AEBP2: variants seen among roughly 807,000 people sequenced by gnomAD.
AEBP2 encodes the protein AE binding protein 2.
A neutral mutation model predicts 50.8 loss-of-function variants in AEBP2; 10 were observed. That is an observed-to-expected ratio of 0.20 (90% confidence interval 0.12 to 0.33). The LOEUF (loss-of-function observed/expected upper bound fraction) is 0.33, where lower values mean the gene tolerates loss of function less well. Among genes scored for constraint, AEBP2 ranks in the 10% least tolerant of loss-of-function variants. The pLI is 1.00. For missense variants in AEBP2, 570 were observed against 688.0 expected (o/e 0.83, Z 1.92); for synonymous variants, 296 against 261.3 (o/e 1.13, Z -1.28).
intron 1 of AEBP2, among the ~76,000 whole-genome samples, chr12:19,423,990 T>C (rs547802736): frequency 6.6e-6 from 1 of 152,344 alleles, no homozygotes; most frequent in East Asian, 1.9e-4. Context: ...GCATCAATAC[T>C]GTACGGCAGC....
In AEBP2 at chr12:19,466,578, T is replaced by G. The variant is rs571619293; in HGVS notation, c.879+3861T>G. Among the ~76,000 whole-genome samples, 5 of 152,350 alleles carry G rather than the reference T, an allele frequency of 3.3e-5. No homozygotes were observed. In the South Asian group the frequency reaches 1.0e-3, roughly 32 times the overall value. ...AATTATCATCCCAAATTGAAATCTA[T>G]ACCCATTAAACAAACTTACTCTCTG... On this transcript the variant is annotated intron_variant, in intron 2 of 7. Transcript: ENST00000266508.
At chr12:19,447,530 A>T (rs763543787) in intron 1 of AEBP2, among the ~76,000 whole-genome samples, 2 of 152,182 alleles carry the variant, frequency 1.3e-5, no homozygotes, top group East Asian at 3.8e-4. Flanking sequence ...TCCAGACACA[A>T]CCGTCACTAG....
At position 19,520,135 on chromosome 12, in the gene AEBP2, T is replaced by C. The variant is rs1949377267; in HGVS notation, c.*2018T>C. 1 of 152,558 alleles carries C rather than the reference T, an allele frequency of 6.6e-6. No individual in the cohort carries two copies. The highest frequency in any genetic ancestry group is 2.4e-5 in the African/African-American group (1 of 41,468). 9.5% of individuals were successfully genotyped at this position (152,558 alleles called of 1,614,324 possible). ...AGTTTGTACCTGTATTTTTATTTTA[T>C]TGCCTCATGTTCTTGTAAGTCATTC... is the stretch of plus-strand genomic sequence containing the variant. On this transcript the variant is annotated 3_prime_UTR_variant, in exon 8 of 8. Coordinates refer to ENST00000266508, the MANE Select transcript of AEBP2 (RefSeq NM_153207.5).
At chr12:19,468,347 T>G (rs961181159) in intron 2 of AEBP2, among the ~76,000 whole-genome samples, 2 of 152,180 alleles carry the variant, frequency 1.3e-5, no homozygotes, top group African/African-American at 4.8e-5. Flanking sequence ...GTAATTTTAC[T>G]GAAAACAAGA....
At chr12:19,475,230 C>A (rs533712913) in intron 3 of AEBP2, among the ~76,000 whole-genome samples, 1 of 151,890 alleles carries the variant, frequency 6.6e-6, no homozygotes, top group South Asian at 2.1e-4. Context: ...CTAACCACCC[C>A]CACCCTTCCC....
chr12:19,412,298 A>C (rs2153363371), intron 1 of AEBP2, among the ~76,000 whole-genome samples: 1 of 151,928 alleles, frequency 6.6e-6, no homozygotes, highest in Admixed American at 6.6e-5. Context: ...TTTATTTTTG[A>C]GACAGGGTCT....
chr12:19,463,677 T>TTA (rs2153370468), intron 2 of AEBP2, among the ~76,000 whole-genome samples: 1 of 141,888 alleles, frequency 7.0e-6, no homozygotes, highest in Non-Finnish European at 1.5e-5. Context: ...ATTTTTTTTT[T>TTA]TTTTTTTTTT....
chr12:19,439,620 G>C lies in AEBP2; in HGVS notation c.-80G>C. On this transcript the variant is annotated 5_prime_UTR_variant, in exon 1 of 8. Coordinates refer to ENST00000266508, the MANE Select transcript of AEBP2 (RefSeq NM_153207.5). ...GGCGTCGGCGGAGTTTTGGGCGTTT[G>C]GGAGGGGGGCGAGGGAGAGAGAGTC... 1 of 1,472,482 alleles carries C rather than the reference G, an allele frequency of 6.8e-7. No individual in the cohort carries two copies. Among genetic ancestry groups the C allele is most frequent in the East Asian group, 2.7e-5 (1 of 37,310 alleles). 91.2% of individuals were successfully genotyped at this position (1,472,482 alleles called of 1,614,324 possible). A position where few individuals can be genotyped will look rare whatever the true frequency, so the allele number is the denominator to read the frequency against.
intron 1 of AEBP2, among the ~76,000 whole-genome samples, chr12:19,430,445 A>G (rs1279228165): frequency 6.6e-6 from 1 of 151,952 alleles, no homozygotes; most frequent in Non-Finnish European, 1.5e-5. Context: ...CTTAGGATTG[A>G]CTCGGCAATG....
chr12:19,432,232 A>G (rs2095751781), intron 1 of AEBP2, among the ~76,000 whole-genome samples: 1 of 152,190 alleles, frequency 6.6e-6, no homozygotes, highest in Admixed American at 6.6e-5. Context: ...TAGGCCCATG[A>G]AAGCATGTCT....
rs1456782510 is a variant in AEBP2, at chr12:19,485,014, T to TTA, written c.988-8785_988-8784insAT. Among the ~76,000 whole-genome samples, 8 of 152,320 alleles carry TTA rather than the reference T, an allele frequency of 5.3e-5. No individual in the cohort carries two copies. The South Asian group carries it at 1.7e-3, about 32-fold the overall frequency. The stretch of plus-strand genomic sequence containing the variant: ...TAGTACTAATTACATCATGAAGTTC[T>TTA]TGTTCAGTGTGTGCACACTAAATAT... On this transcript the variant is annotated intron_variant, in intron 3 of 7. Coordinates refer to ENST00000266508, the MANE Select transcript of AEBP2 (RefSeq NM_153207.5).
At chr12:19,426,938 C>T (rs575750726) in intron 1 of AEBP2, among the ~76,000 whole-genome samples, 9 of 152,122 alleles carry the variant, frequency 5.9e-5, no homozygotes, top group Admixed American at 3.9e-4. Context: ...CTGAGACTGT[C>T]TGTGAGGACG....
intron 1 of AEBP2, 133 bp downstream of exon 1, chr12:19,440,503 C>G: frequency 7.1e-7 from 1 of 1,403,254 alleles, no homozygotes; most frequent in East Asian, 2.5e-5. Flanking sequence ...AGACTCTCAA[C>G]TCGGAAATCT....
chr12:19,440,627 C>A (rs1026709021), intron 1 of AEBP2: 7 of 1,500,494 alleles, frequency 4.7e-6, no homozygotes, highest in African/African-American at 1.4e-5. Flanking sequence ...TCGCTCCTCA[C>A]GGACCTCAGG....
chr12:19,449,691 A>G lies in AEBP2; in HGVS notation c.671+9321A>G, dbSNP rs573751106. ...ATAAAAATTCATTTTAGCTTTTTAA[A>G]TTACAGTGGTAATAGCTTGTAGTAA... On this transcript the variant is annotated intron_variant, in intron 1 of 7. Transcript: ENST00000266508. 2.0e-5 allele frequency among the ~76,000 whole-genome samples: 3 copies of G among 152,304 alleles called. No individual in the cohort carries two copies. In the East Asian group the frequency reaches 5.8e-4, roughly 29 times the overall value.
At chr12:19,511,967 C>T (rs1055622363) in intron 5 of AEBP2, among the ~76,000 whole-genome samples, 1 of 151,960 alleles carries the variant, frequency 6.6e-6, no homozygotes, top group Non-Finnish European at 1.5e-5. Context: ...GGAAGAACTA[C>T]AAAGCAGGCA....
intron 1 of AEBP2, among the ~76,000 whole-genome samples, chr12:19,451,962 C>T (rs2638411): frequency 1.3e-5 from 2 of 152,126 alleles, no homozygotes; most frequent in Non-Finnish European, 2.9e-5. Flanking sequence ...CACAATCTTG[C>T]TTCACTGCAC....
chr12:19,408,115 G>A (rs893674344), intron 1 of AEBP2, among the ~76,000 whole-genome samples: 2 of 151,558 alleles, frequency 1.3e-5, no homozygotes, highest in African/African-American at 4.8e-5. Context: ...TGTTCTTTTT[G>A]TAAGGATTAA....
intron 1 of AEBP2, among the ~76,000 whole-genome samples, chr12:19,410,470 G>C (rs545645013): frequency 2.0e-5 from 3 of 151,690 alleles, no homozygotes; most frequent in African/African-American, 7.3e-5. Flanking sequence ...AAATATTTGA[G>C]ACAGAACCTG....
Sources: gnomAD v4.1 joint callset for allele counts (sites outside exome capture counted in the v4.1 genomes callset) on GRCh38, gnomAD v4.1.1 for gene constraint, MANE v1.5 for transcripts, NCBI Gene and HGNC (gene_info 2026-07-23, HGNC 2026-07-21) for gene names.